TRIM69: variants seen among roughly 807,000 people sequenced by gnomAD.
TRIM69 encodes the protein tripartite motif containing 69, also known as E3 ubiquitin-protein ligase TRIM69.
In TRIM69, 29 loss-of-function variants were observed where a neutral mutation model predicts 37.7. That is an observed-to-expected ratio of 0.77 (90% CI 0.57 to 1.05). The LOEUF is 1.05. TRIM69 is among the 50% of genes least tolerant of loss of function. TRIM69 has a pLI of 0.00. For synonymous variants in TRIM69, 209 were observed against 212.4 expected (o/e 0.98, Z 0.14); for missense variants, 596 against 579.9 (o/e 1.03, Z -0.28).
At chr15:44,766,228 G>A (rs1372950901) in intron 6 of TRIM69, among the ~76,000 whole-genome samples, 2 of 152,128 alleles carry the variant, frequency 1.3e-5, no homozygotes, top group Non-Finnish European at 2.9e-5. Flanking sequence ...TAAAATTACT[G>A]TCAATTTGCT....
intron 1 of TRIM69, among the ~76,000 whole-genome samples, chr15:44,741,938 A>G (rs2087296846): frequency 6.6e-6 from 1 of 152,236 alleles, no homozygotes. Flanking sequence ...ATCAACAGAA[A>G]AAGAGGGAAT....
rs145643498 is a variant in TRIM69, at chr15:44,747,018, T to A, written c.7-7882T>A. Among the ~76,000 whole-genome samples, 206 of 152,222 alleles carry A rather than the reference T, an allele frequency of 1.4e-3. 1 individual carries two copies. The highest frequency in any genetic ancestry group is 4.8e-3 in the African/African-American group (199 of 41,536). ...AAATATAGTGAAAGTCAAGCAGGAA[T>A]GTGAGAAAGGATGCCTAGGGAAGCA... On this transcript the variant is annotated intron_variant, in intron 1 of 6. Coordinates refer to ENST00000329464, the MANE Select transcript of TRIM69 (RefSeq NM_182985.5).
intron 1 of TRIM69, among the ~76,000 whole-genome samples, chr15:44,746,096 A>G (rs1340576722): frequency 2.0e-5 from 3 of 152,204 alleles, no homozygotes; most frequent in Non-Finnish European, 2.9e-5. Flanking sequence ...ATTAAAAGCC[A>G]AAAATAATCT....
At chr15:44,744,426 T>C (rs2087359625) in intron 1 of TRIM69, among the ~76,000 whole-genome samples, 2 of 151,602 alleles carry the variant, frequency 1.3e-5, no homozygotes, top group South Asian at 4.2e-4. Flanking sequence ...CTGCACATTG[T>C]GCACATGTAC....
At chr15:44,745,818 T>A (rs913756143) in intron 1 of TRIM69, among the ~76,000 whole-genome samples, 12 of 151,786 alleles carry the variant, frequency 7.9e-5, no homozygotes, top group African/African-American at 2.7e-4. Flanking sequence ...AAAGAATTCA[T>A]GAAACTGAAA....
chr15:44,765,287 C>T (rs2087861583), intron 6 of TRIM69, among the ~76,000 whole-genome samples: 1 of 152,118 alleles, frequency 6.6e-6, no homozygotes, highest in Non-Finnish European at 1.5e-5. Flanking sequence ...AGAGATGTGT[C>T]AGAGGCTTAG....
Position 44,742,844 on chromosome 15 carries a change from G to T in TRIM69, c.6+6134G>T, listed in dbSNP as rs982277708. On this transcript the variant is annotated intron_variant, in intron 1 of 6. Coordinates refer to ENST00000329464, the MANE Select transcript of TRIM69 (RefSeq NM_182985.5). ...ACAAACAAATGGAAGAACATTCCAC[G>T]CTCATGGATAGGAAGAATCAGTATC... Among the ~76,000 whole-genome samples, 4 of 151,256 alleles carry T rather than the reference G, an allele frequency of 2.6e-5. No individual in the cohort carries two copies. The East Asian group carries it at 7.7e-4, about 29-fold the overall frequency.
At chr15:44,744,855 C>T (rs547306301) in intron 1 of TRIM69, among the ~76,000 whole-genome samples, 2 of 151,760 alleles carry the variant, frequency 1.3e-5, no homozygotes, top group East Asian at 1.9e-4. Flanking sequence ...GAGATGGCTA[C>T]CCTGGAGGTA....
chr15:44,754,781 T>G, intron 1 of TRIM69, 119 bp from the exon 2 acceptor site: 1 of 730,288 alleles, frequency 1.4e-6, no homozygotes, highest in Non-Finnish European at 2.4e-6. Context: ...AAGGAGAGAT[T>G]ATGTGCTTTT....
At chr15:44,755,955 C>G (rs2087636578) in intron 2 of TRIM69, among the ~76,000 whole-genome samples, 1 of 152,198 alleles carries the variant, frequency 6.6e-6, no homozygotes, top group Admixed American at 6.5e-5. Flanking sequence ...CAGTATATAA[C>G]TAGAGTGGAA....
intron 1 of TRIM69, among the ~76,000 whole-genome samples, chr15:44,746,468 T>C (rs1422789684): frequency 2.0e-5 from 3 of 152,208 alleles, no homozygotes; most frequent in Non-Finnish European, 4.4e-5. Flanking sequence ...CTCTTCTTTT[T>C]TTTCTAAAGT....
At chr15:44,738,050 C>CTT (rs772041054) in intron 1 of TRIM69, among the ~76,000 whole-genome samples, 17 of 118,000 alleles carry the variant, frequency 1.4e-4, no homozygotes, top group African/African-American at 5.6e-4. Context: ...TACTTTCTTT[C>CTT]TTTCTTTTTT....
At chr15:44,756,487 A>G (rs750282114) in intron 3 of TRIM69, 24 bp downstream of exon 3, 4 of 1,498,282 alleles carry the variant, frequency 2.7e-6, no homozygotes, top group Non-Finnish European at 3.6e-6. Flanking sequence ...AAGAGGGGTT[A>G]TGAGATAGAA....
chr15:44,761,031 C>T (rs1268187488), intron 6 of TRIM69, among the ~76,000 whole-genome samples: 2 of 151,948 alleles, frequency 1.3e-5, no homozygotes, highest in African/African-American at 4.8e-5. Flanking sequence ...CATTCTCCTG[C>T]CTCAGCCTCC....
intron 1 of TRIM69, chr15:44,754,557 A>G (rs1244259484): frequency 9.3e-6 from 2 of 214,474 alleles, no homozygotes; most frequent in Non-Finnish European, 1.8e-5. Flanking sequence ...CTAGAAAACA[A>G]AAATAAAATA....
Position 44,759,844 on chromosome 15 carries a change from G to A in TRIM69, c.933G>A (p.Trp311Ter). 3 of 1,613,978 alleles carry A rather than the reference G, an allele frequency of 1.9e-6. No individual in the cohort carries two copies. The highest frequency in any genetic ancestry group is 2.5e-6 in the Non-Finnish European group (3 of 1,179,878). The part of the protein sequence containing the change: ...QYKGPIQYMV[W>*]REMQDTLCPG... ...AAGGTCCTATCCAGTACATGGTATGGAGGGAAATGCAGGACACTCTCTGCC... is the reference window on the plus strand; with the variant it reads ...AAGGTCCTATCCAGTACATGGTATGAAGGGAAATGCAGGACACTCTCTGCC... The change falls in exon 6 of 7, where the codon TGG becomes TGA. Residue 311 changes from tryptophan to a stop codon, truncating the protein, a stop_gained. Coordinates refer to ENST00000329464, the MANE Select transcript of TRIM69 (RefSeq NM_182985.5). LOFTEE classifies it high-confidence loss of function.
At chr15:44,746,086 A>G (rs2087401338) in intron 1 of TRIM69, among the ~76,000 whole-genome samples, 1 of 152,104 alleles carries the variant, frequency 6.6e-6, no homozygotes, top group Non-Finnish European at 1.5e-5. Context: ...TAATTAAACT[A>G]TTAAAAGCCA....
intron 3 of TRIM69, chr15:44,757,065 G>A (rs1479040746): frequency 1.3e-5 from 2 of 152,156 alleles, no homozygotes; most frequent in African/African-American, 4.8e-5. Flanking sequence ...ATTCTATGGA[G>A]AAGAGCCTTC....
At chr15:44,748,721 G>A (rs1414479328) in intron 1 of TRIM69, among the ~76,000 whole-genome samples, 2 of 149,890 alleles carry the variant, frequency 1.3e-5, no homozygotes, top group African/African-American at 4.9e-5. Context: ...AGCTACTCGG[G>A]AGTCTGAGAC....
Sources: allele counts gnomAD v4.1 joint callset (sites outside exome capture counted in the v4.1 genomes callset), GRCh38; gene constraint gnomAD v4.1.1; transcripts MANE v1.5; gene names NCBI Gene and HGNC (gene_info 2026-07-23, HGNC 2026-07-21).